The following RASA3 variants were observed in gnomAD, a reference collection of about 807,000 sequenced individuals.
RASA3 encodes RAS p21 protein activator 3.
A neutral mutation model predicts 110.0 loss-of-function variants in RASA3; 73 were observed. That is an observed-to-expected ratio of 0.66 (90% CI 0.55 to 0.81). RASA3 has a LOEUF of 0.81. RASA3 is among the 30% of genes least tolerant of loss of function. The pLI is 0.00. For synonymous variants in RASA3, 500 were observed against 451.4 expected, an observed-to-expected ratio of 1.11 and a Z score of -1.37; for missense variants, 976 against 1,113.2, an observed-to-expected ratio of 0.88 and a Z score of 1.75.
chr13:114,070,842 G>A (rs2079558866), intron 2 of RASA3, among the ~76,000 whole-genome samples: 3 of 137,938 alleles, frequency 2.2e-5, no homozygotes, highest in Middle Eastern at 3.6e-3. Flanking sequence ...CGGCGTCCAC[G>A]CTAAACGGCG....
chr13:114,060,982 C>T (rs1367690193), intron 2 of RASA3, among the ~76,000 whole-genome samples: 1 of 145,054 alleles, frequency 6.9e-6, no homozygotes, highest in African/African-American at 2.8e-5. Context: ...CCCCCCACAG[C>T]CGGCAGACGG....
intron 4 of RASA3, among the ~76,000 whole-genome samples, chr13:114,038,539 A>T (rs910742360): frequency 1.3e-5 from 2 of 151,916 alleles, no homozygotes; most frequent in African/African-American, 4.8e-5. Flanking sequence ...TCTTGGCTCC[A>T]CTCCTTAATT....
chr13:114,053,411 C>A (rs943044799), intron 2 of RASA3, among the ~76,000 whole-genome samples: 1 of 152,276 alleles, frequency 6.6e-6, no homozygotes, highest in Non-Finnish European at 1.5e-5. Flanking sequence ...TTGGCGATTA[C>A]TGCGGTGCAC....
At position 114,011,473 on chromosome 13, in the gene RASA3, G is replaced by A. The variant is rs951492005; in HGVS notation, c.1513-225C>T. Reference sequence around the variant, plus strand: ...CGCAGGCAACATCCGACGGCACCGCGGTGACCCACTCTCTCGGCCCAGCGT... The same window carrying A: ...CGCAGGCAACATCCGACGGCACCGCAGTGACCCACTCTCTCGGCCCAGCGT... On this transcript the variant is annotated intron_variant, in intron 15 of 23. Transcript: ENST00000334062. The surrounding 1 kb of genome is among the most constrained non-coding windows in gnomAD (Gnocchi z 4.8). Among the ~76,000 whole-genome samples the A allele has an allele frequency of 6.6e-6, 1 of 152,098 alleles. No homozygotes were observed. Among genetic ancestry groups the A allele is most frequent in the Non-Finnish European group, 1.5e-5 (1 of 68,016 alleles).
chr13:114,057,165 C>A lies in RASA3; in HGVS notation c.174-5010G>T, dbSNP rs897592266. The A allele has an allele frequency of 2.2e-5, 21 of 970,486 alleles. No individual in the cohort carries two copies. The Admixed American group carries it at 9.2e-4, about 43-fold the overall frequency. 60.1% of individuals were successfully genotyped at this position (970,486 alleles called of 1,614,324 possible). A position where few individuals can be genotyped will look rare whatever the true frequency, so the allele number is the denominator to read the frequency against. ...CGTTTATTCTAGTGGTTCCAATTGC[C>A]TATTTTAATGTTTTTCTTCTTATTT... On this transcript the variant is annotated intron_variant, in intron 2 of 23. Transcript: ENST00000334062. The surrounding 1 kb of genome is among the most constrained non-coding windows in gnomAD (Gnocchi z 5.0).
chr13:114,118,626 C>T (rs2080326755), intron 1 of RASA3, among the ~76,000 whole-genome samples: 3 of 152,180 alleles, frequency 2.0e-5, no homozygotes, highest in Admixed American at 6.5e-5. Context: ...ATTTGAAAAC[C>T]GATGTCACCG....
rs1041117787 is a variant in RASA3 at position 114,014,982 on chromosome 13, TGTG to T, written c.1405+224_1405+226del. Among the ~76,000 whole-genome samples the T allele has an allele frequency of 2.6e-5, 4 of 151,868 alleles. No homozygotes were observed. The highest frequency in any genetic ancestry group is 5.9e-5 in the Non-Finnish European group (4 of 67,932). The stretch of plus-strand genomic sequence containing the variant: ...AGGGCTGGGGTCCCCTGGAGACTAC[TGTG>T]GAGGTGAACTCCAGGGCTGGGGTCC... On this transcript the variant is annotated intron_variant, in intron 14 of 23. Coordinates refer to ENST00000334062, the MANE Select transcript of RASA3 (RefSeq NM_007368.4). The surrounding 1 kb of genome is among the most constrained non-coding windows in gnomAD (Gnocchi z 4.5).
intron 2 of RASA3, among the ~76,000 whole-genome samples, chr13:114,064,955 C>G (rs2079421389): frequency 6.6e-6 from 1 of 152,270 alleles, no homozygotes; most frequent in Admixed American, 6.5e-5. Context: ...AGCAGCCTCT[C>G]CCTCTGAGGC....
chr13:114,043,596 C>G (rs1013531207), intron 3 of RASA3, among the ~76,000 whole-genome samples: 3 of 152,120 alleles, frequency 2.0e-5, no homozygotes, highest in Non-Finnish European at 4.4e-5. Context: ...CATACACAGG[C>G]CATCTGGAGC....
At chr13:114,009,556 C>A in intron 16 of RASA3, 92 bp from the exon 17 acceptor site, 4 of 867,554 alleles carry the variant, frequency 4.6e-6, no homozygotes, top group Admixed American at 4.0e-5. Flanking sequence ...ACTGTCCAAG[C>A]CTAAATGACG....
rs370084022 is a variant in RASA3, at chr13:114,038,256, C to T, written c.372+2744G>A. Among the ~76,000 whole-genome samples, 242 of 152,354 alleles carry T rather than the reference C, an allele frequency of 1.6e-3. 1 individual carries two copies. The highest frequency in any genetic ancestry group is 5.6e-3 in the African/African-American group (233 of 41,592). ...GCTGGGGAACTCGCCGACACGCAGGCGGGAGCGGCCCAGTCACCAAGCCCC... is the reference window on the plus strand; with the variant it reads ...GCTGGGGAACTCGCCGACACGCAGGTGGGAGCGGCCCAGTCACCAAGCCCC... On this transcript the variant is annotated intron_variant, in intron 4 of 23. Transcript: ENST00000334062.
At chr13:114,101,921 A>G (rs2080064769) in intron 1 of RASA3, among the ~76,000 whole-genome samples, 1 of 152,176 alleles carries the variant, frequency 6.6e-6, no homozygotes, top group African/African-American at 2.4e-5. Context: ...ACCCTGGACC[A>G]TGGCATAAAG....
At chr13:114,017,987 C>T in intron 11 of RASA3, 117 bp downstream of exon 11, 1 of 1,181,328 alleles carries the variant, frequency 8.5e-7, no homozygotes, top group Non-Finnish European at 1.1e-6. Flanking sequence ...AACATGGTTT[C>T]TGGGGACCCT....
intron 1 of RASA3, among the ~76,000 whole-genome samples, chr13:114,099,555 C>T (rs991234660): frequency 8.6e-5 from 13 of 151,470 alleles, no homozygotes; most frequent in Non-Finnish European, 1.6e-4. Flanking sequence ...TGCCTGGGAC[C>T]TAAGTACGGC....
At chr13:114,012,108 T>A (rs1291683008) in intron 15 of RASA3, among the ~76,000 whole-genome samples, 1 of 151,862 alleles carries the variant, frequency 6.6e-6, no homozygotes, top group African/African-American at 2.4e-5. Flanking sequence ...GTTGACTCAA[T>A]ACACGGATGA....
chr13:114,047,269 G>T (rs904300557), intron 3 of RASA3, among the ~76,000 whole-genome samples: 19 of 152,142 alleles, frequency 1.2e-4, no homozygotes, highest in African/African-American at 4.6e-4. Context: ...ACTAAAGAAG[G>T]AATGGAGCTG....
intron 1 of RASA3, among the ~76,000 whole-genome samples, chr13:114,111,859 C>T (rs1219612978): frequency 2.0e-5 from 3 of 152,190 alleles, no homozygotes; most frequent in Non-Finnish European, 2.9e-5. Flanking sequence ...TGAGCAAAGA[C>T]GGCGCTTCCA....
At chr13:114,072,481 G>A (rs887329631) in intron 2 of RASA3, among the ~76,000 whole-genome samples, 4 of 152,292 alleles carry the variant, frequency 2.6e-5, no homozygotes, top group African/African-American at 9.6e-5. Flanking sequence ...CTTCTGTATA[G>A]CTATTTTAGA....
At chr13:113,979,916 G>T (rs553301480) in intron 23 of RASA3, among the ~76,000 whole-genome samples, 1 of 149,732 alleles carries the variant, frequency 6.7e-6, no homozygotes, top group East Asian at 2.0e-4. Context: ...CTCCTCCTAC[G>T]TGCCTACCAC....
Sources: allele counts gnomAD v4.1 joint callset (sites outside exome capture counted in the v4.1 genomes callset), GRCh38; gene constraint gnomAD v4.1.1; non-coding constraint Gnocchi (gnomAD v3.1); transcripts MANE v1.5; gene names NCBI Gene and HGNC (gene_info 2026-07-23, HGNC 2026-07-21).